The following NUP98 variants were observed in gnomAD, a reference collection of about 807,000 sequenced individuals.
NUP98 encodes nucleoporin 98 and 96 precursor, also known as nuclear pore complex protein Nup98-Nup96.
A neutral mutation model predicts 191.9 loss-of-function variants in NUP98; 26 were observed. The ratio of observed to expected loss-of-function variants is 0.14; its 90% CI spans 0.10 to 0.19. The LOEUF (loss-of-function observed/expected upper bound fraction) is 0.19. Among genes scored for constraint, NUP98 ranks in the 10% least tolerant of loss-of-function variants. The probability of loss-of-function intolerance (pLI) is 1.00; values close to 1 mark genes in which losing one functional copy is unlikely to be tolerated. For synonymous variants in NUP98, 808 were observed against 778.4 expected (o/e 1.04, Z -0.63); for missense variants, 1,941 against 2,178.8 (o/e 0.89, Z 2.17).
intron 11 of NUP98, among the ~76,000 whole-genome samples, chr11:3,746,804 C>T (rs1392651762): frequency 1.3e-5 from 2 of 150,984 alleles, no homozygotes; most frequent in Non-Finnish European, 2.9e-5. Context: ...CCCAGCTACT[C>T]GGGAAGGCTG....
intron 12 of NUP98, among the ~76,000 whole-genome samples, chr11:3,737,983 C>G (rs765269611): frequency 6.7e-6 from 1 of 149,928 alleles, no homozygotes; most frequent in Non-Finnish European, 1.5e-5. Context: ...CCAAACCTCA[C>G]TGGTCATTTT....
At chr11:3,750,666 T>C (rs1166078454) in intron 11 of NUP98, among the ~76,000 whole-genome samples, 2 of 152,028 alleles carry the variant, frequency 1.3e-5, no homozygotes, top group African/African-American at 2.4e-5. Context: ...CTCATTCTGT[T>C]ACCCAGGCTG....
intron 31 of NUP98, 124 bp downstream of exon 31, chr11:3,679,430 C>T (rs1466213544): frequency 1.8e-6 from 2 of 1,132,116 alleles, no homozygotes; most frequent in Admixed American, 3.4e-5. Flanking sequence ...AGCAAGATGC[C>T]TGCTTTGACA....
chr11:3,678,334 A>C (rs1158840889), intron 31 of NUP98, among the ~76,000 whole-genome samples: 20 of 152,208 alleles, frequency 1.3e-4, no homozygotes, highest in Non-Finnish European at 5.9e-5. Flanking sequence ...TTTGGAAGCC[A>C]CAAATTGAAT....
chr11:3,748,581 G>T (rs1589869377), intron 11 of NUP98, among the ~76,000 whole-genome samples: 2 of 151,972 alleles, frequency 1.3e-5, no homozygotes, highest in East Asian at 3.9e-4. Flanking sequence ...GAGGCAGGCA[G>T]ATCACCTGAG....
In NUP98 at chr11:3,723,146, C is replaced by G; in HGVS notation, c.2146+11G>C. On this transcript the variant is annotated intron_variant, in intron 16 of 32. Coordinates refer to ENST00000324932, the MANE Select transcript of NUP98 (RefSeq NM_016320.5). ...GGTAAGAGATTAAACATGCACCAATCTGAACCTGACCTGCTGGGTGCATAT... is the reference window on the plus strand; with the variant it reads ...GGTAAGAGATTAAACATGCACCAATGTGAACCTGACCTGCTGGGTGCATAT... 1.2e-6 allele frequency: 2 copies of G among 1,612,344 alleles called. No homozygotes were observed. The highest frequency in any genetic ancestry group is 1.7e-6 in the Non-Finnish European group (2 of 1,178,816).
chr11:3,698,961 G>T, intron 25 of NUP98, 121 bp downstream of exon 25: 2 of 1,090,720 alleles, frequency 1.8e-6, no homozygotes, highest in South Asian at 3.0e-5. Flanking sequence ...TTTCTGGGAA[G>T]TCCGCAATTA....
chr11:3,697,256 A>AAAAAG (rs937054155), intron 25 of NUP98: 1 of 152,172 alleles, frequency 6.6e-6, no homozygotes, highest in African/African-American at 2.4e-5. Flanking sequence ...TTTAAAAAAT[A>AAAAAG]AAAAGAAAAG....
At chr11:3,692,405 A>T (rs757651213) in intron 27 of NUP98, among the ~76,000 whole-genome samples, 1 of 152,002 alleles carries the variant, frequency 6.6e-6, no homozygotes, top group Non-Finnish European at 1.5e-5. Flanking sequence ...AGGCAGGCAG[A>T]TCATGAGGTC....
chr11:3,797,319 A>G (rs2082707241), intron 1 of NUP98, 81 bp downstream of exon 1: 4 of 400,604 alleles, frequency 1.0e-5, no homozygotes, highest in Non-Finnish European at 1.8e-5. Flanking sequence ...AGAGGCCCTG[A>G]GACGCCCCGC....
chr11:3,739,818 A>T (rs1221489559), intron 12 of NUP98, among the ~76,000 whole-genome samples: 1 of 152,160 alleles, frequency 6.6e-6, no homozygotes, highest in African/African-American at 2.4e-5. Flanking sequence ...GTTACAGCTG[A>T]CCTTTGAACA....
chr11:3,768,209 CAGG>C (rs371585794), intron 8 of NUP98, among the ~76,000 whole-genome samples: 82 of 152,120 alleles, frequency 5.4e-4, no homozygotes, highest in Middle Eastern at 3.4e-3. Context: ...ATCACGAGGT[CAGG>C]AGATCGAGAC....
chr11:3,768,377 G>A (rs544374916), intron 8 of NUP98, among the ~76,000 whole-genome samples: 1 of 150,854 alleles, frequency 6.6e-6, no homozygotes, highest in East Asian at 1.9e-4. Flanking sequence ...GCTGAGACTG[G>A]GCCACTGCAC....
At chr11:3,758,369 G>A (rs1251537146) in intron 10 of NUP98, among the ~76,000 whole-genome samples, 1 of 151,938 alleles carries the variant, frequency 6.6e-6, no homozygotes, top group Non-Finnish European at 1.5e-5. Context: ...ATTACAGCAG[G>A]TACAACTTAA....
chr11:3,788,239 C>A (rs2082209646), intron 1 of NUP98, among the ~76,000 whole-genome samples: 1 of 152,140 alleles, frequency 6.6e-6, no homozygotes, highest in Non-Finnish European at 1.5e-5. Flanking sequence ...TTTTTTTCAT[C>A]CCCTTAACAT....
At chr11:3,729,668 T>C (rs1281218960) in intron 14 of NUP98, among the ~76,000 whole-genome samples, 7 of 137,086 alleles carry the variant, frequency 5.1e-5, no homozygotes, top group Admixed American at 7.9e-5. Flanking sequence ...TGATGTATGA[T>C]TGCACCACTG....
intron 20 of NUP98, among the ~76,000 whole-genome samples, chr11:3,709,238 T>C (rs1305586799): frequency 2.6e-5 from 4 of 152,146 alleles, no homozygotes; most frequent in Admixed American, 6.5e-5. Flanking sequence ...AGAACTAGTT[T>C]TCTAACTGTA....
intron 29 of NUP98, among the ~76,000 whole-genome samples, chr11:3,684,389 A>C (rs1390370981): frequency 6.6e-6 from 1 of 152,116 alleles, no homozygotes; most frequent in Non-Finnish European, 1.5e-5. Context: ...TTTCAGATCA[A>C]AACTATTCTC....
At chr11:3,748,162 G>C (rs1011796295) in intron 11 of NUP98, among the ~76,000 whole-genome samples, 9 of 152,184 alleles carry the variant, frequency 5.9e-5, no homozygotes, top group Non-Finnish European at 1.3e-4. Flanking sequence ...ATTGTGGAAT[G>C]AGAGACAAAA....
Sources: allele counts gnomAD v4.1 joint callset (sites outside exome capture counted in the v4.1 genomes callset), GRCh38; gene constraint gnomAD v4.1.1; transcripts MANE v1.5; gene names NCBI Gene and HGNC (gene_info 2026-07-23, HGNC 2026-07-21).